The following UCK2 variants were observed in gnomAD, a reference collection of about 807,000 sequenced individuals.
UCK2 encodes the protein cytidine monophosphokinase 2.
In UCK2, 6 loss-of-function variants were observed where a neutral mutation model predicts 30.8. The ratio of observed to expected loss-of-function variants is 0.19; its 90% confidence interval spans 0.11 to 0.38. UCK2 has a LOEUF of 0.38. Ranked by LOEUF, UCK2 falls within the 10% of genes least tolerant of loss-of-function variation. UCK2 has a pLI of 1.00. For synonymous variants in UCK2, 125 were observed against 133.6 expected, an observed-to-expected ratio of 0.94 and a Z score of 0.45; for missense variants, 210 against 339.8, an observed-to-expected ratio of 0.62 and a Z score of 3.00.
At chr1:165,874,047 C>T (rs1363105592) in intron 1 of UCK2, among the ~76,000 whole-genome samples, 1 of 152,216 alleles carries the variant, frequency 6.6e-6, no homozygotes, top group East Asian at 1.9e-4. Context: ...CCAGTAATTG[C>T]AGTCCTCCAT....
chr1:165,904,134 A>AG (rs1647571181), intron 5 of UCK2: 1 of 152,254 alleles, frequency 6.6e-6, no homozygotes, highest in Admixed American at 6.5e-5. Context: ...TACACTGGGA[A>AG]GGCTGGAATC....
chr1:165,872,185 C>T (rs1655212927), intron 1 of UCK2, among the ~76,000 whole-genome samples: 1 of 152,186 alleles, frequency 6.6e-6, no homozygotes, highest in South Asian at 2.1e-4. Context: ...AGCGATTCTC[C>T]TGCCTCAGCC....
chr1:165,829,083 C>A (rs1653973820), intron 1 of UCK2, among the ~76,000 whole-genome samples: 1 of 152,104 alleles, frequency 6.6e-6, no homozygotes, highest in Non-Finnish European at 1.5e-5. Context: ...GTTGGTTTTA[C>A]ATTTTTCCCT....
At chr1:165,869,986 A>AT in intron 1 of UCK2, among the ~76,000 whole-genome samples, 1 of 151,932 alleles carries the variant, frequency 6.6e-6, no homozygotes, top group East Asian at 1.9e-4. Context: ...CATCTTACTT[A>AT]TTTTTTTCTT....
intron 1 of UCK2, among the ~76,000 whole-genome samples, chr1:165,864,726 C>A (rs947282857): frequency 6.6e-6 from 1 of 152,216 alleles, no homozygotes; most frequent in South Asian, 2.1e-4. Context: ...TTCACTCAGG[C>A]TGGAGTTCAT....
intron 1 of UCK2, among the ~76,000 whole-genome samples, chr1:165,843,007 A>C (rs1654368326): frequency 6.6e-6 from 1 of 152,104 alleles, no homozygotes; most frequent in African/African-American, 2.4e-5. Context: ...CTCATCCTTC[A>C]AAGACCTCTT....
chr1:165,859,707 G>A (rs191199419), intron 1 of UCK2, among the ~76,000 whole-genome samples: 151 of 152,216 alleles, frequency 9.9e-4, no homozygotes, highest in African/African-American at 3.1e-3. Flanking sequence ...CATGCCTGTG[G>A]TCCTAGCTAC....
At chr1:165,868,070 T>A (rs1655092303) in intron 1 of UCK2, among the ~76,000 whole-genome samples, 1 of 152,210 alleles carries the variant, frequency 6.6e-6, no homozygotes, top group African/African-American at 2.4e-5. Context: ...CTTGTACATC[T>A]CCATCAGAGC....
chr1:165,846,722 G>A (rs1293077852), intron 1 of UCK2, among the ~76,000 whole-genome samples: 1 of 152,190 alleles, frequency 6.6e-6, no homozygotes, highest in Non-Finnish European at 1.5e-5. Context: ...TGTATTCTTT[G>A]TCAAGTTGGC....
At chr1:165,868,741 C>T (rs2225980) in intron 1 of UCK2, among the ~76,000 whole-genome samples, 55,333 of 152,066 alleles carry the variant, frequency 0.36, 10,351 homozygotes, top group Non-Finnish European at 0.44. Flanking sequence ...ACCAAACTTT[C>T]TTCGTATCAG....
intron 6 of UCK2, among the ~76,000 whole-genome samples, chr1:165,906,852 A>G (rs1647681419): frequency 6.6e-6 from 1 of 152,266 alleles, no homozygotes; most frequent in South Asian, 2.1e-4. Context: ...TATAGCAATA[A>G]ATATTTAACC....
intron 1 of UCK2, among the ~76,000 whole-genome samples, chr1:165,872,503 G>A (rs1037375328): frequency 6.6e-6 from 1 of 152,152 alleles, no homozygotes; most frequent in Non-Finnish European, 1.5e-5. Flanking sequence ...TGATGGTGGG[G>A]GCTAGCTGGG....
rs373729839 is a variant in UCK2 at position 165,907,831 on chromosome 1, C to T, written c.*8C>T. On this transcript the variant is annotated 3_prime_UTR_variant, in exon 7 of 7. Transcript: ENST00000367879. The stretch of plus-strand genomic sequence containing the variant: ...AGCAGCAGGCCGCATTGACCCGTCT[C>T]CATCGGACCCCAGCCCCTATCTCCA... 11 of 1,613,464 alleles carry T rather than the reference C, an allele frequency of 6.8e-6. 1 individual carries two copies. The African/African-American group carries it at 1.3e-4, about 20-fold the overall frequency.
At chr1:165,828,045 C>A in intron 1 of UCK2, 113 bp downstream of exon 1, 1 of 759,846 alleles carries the variant, frequency 1.3e-6, no homozygotes, top group Non-Finnish European at 1.7e-6. Flanking sequence ...GGCCCGCGCG[C>A]CTCCGCTCCC....
At chr1:165,841,023 G>T (rs971424270) in intron 1 of UCK2, among the ~76,000 whole-genome samples, 144 of 152,118 alleles carry the variant, frequency 9.5e-4, no homozygotes, top group African/African-American at 3.4e-3. Context: ...AGGCAAGGTA[G>T]TGTTTGACCA....
intron 1 of UCK2, among the ~76,000 whole-genome samples, chr1:165,839,891 G>A (rs1279842865): frequency 6.6e-6 from 1 of 152,236 alleles, no homozygotes; most frequent in Non-Finnish European, 1.5e-5. Context: ...CTGTGCAGAT[G>A]TGCTGTCAGA....
chr1:165,851,805 G>A (rs1287871568), intron 1 of UCK2, among the ~76,000 whole-genome samples: 13 of 152,172 alleles, frequency 8.5e-5, no homozygotes, highest in African/African-American at 2.4e-4. Context: ...ATGGGTTCTC[G>A]TTGTTCAACT....
intron 1 of UCK2, among the ~76,000 whole-genome samples, chr1:165,848,329 C>T (rs1258210113): frequency 1.3e-5 from 2 of 152,104 alleles, no homozygotes; most frequent in East Asian, 1.9e-4. Context: ...GGTTGAACTT[C>T]TTGAAGAAAC....
chr1:165,854,476 T>C (rs1345180439), intron 1 of UCK2, among the ~76,000 whole-genome samples: 1 of 152,138 alleles, frequency 6.6e-6, no homozygotes, highest in African/African-American at 2.4e-5. Context: ...AGAACCAACA[T>C]GTAGCATAAG....
Sources: gnomAD v4.1 joint callset for allele counts (sites outside exome capture counted in the v4.1 genomes callset) on GRCh38, gnomAD v4.1.1 for gene constraint, MANE v1.5 for transcripts, NCBI Gene and HGNC (gene_info 2026-07-23, HGNC 2026-07-21) for gene names.